The following GRM7 variants were observed in gnomAD, a reference collection of about 807,000 sequenced individuals.
GRM7 encodes the protein glutamate metabotropic receptor 7, also known as metabotropic glutamate receptor 7.
In GRM7, 35 loss-of-function variants were observed where a neutral mutation model predicts 84.5. The observed-to-expected ratio is 0.41, with a 90% CI of 0.32 to 0.55. The LOEUF is 0.55. Among genes scored for constraint, GRM7 ranks in the 20% least tolerant of loss-of-function variants. The pLI is 0.19. For missense variants in GRM7, 1,003 were observed against 1,194.6 expected (o/e 0.84, Z 2.36); for synonymous variants, 487 against 455.1 (o/e 1.07, Z -0.89).
At chr3:7,590,087 T>G (rs1342744623) in intron 8 of GRM7, among the ~76,000 whole-genome samples, 1 of 152,200 alleles carries the variant, frequency 6.6e-6, no homozygotes, top group Non-Finnish European at 1.5e-5. Context: ...AGATCAAGTT[T>G]TAAAATAATT....
At position 7,472,932 on chromosome 3, in the gene GRM7, G is replaced by A. The variant is rs116092928; in HGVS notation, c.1515+11210G>A. Among the ~76,000 whole-genome samples, 835 of 152,078 alleles carry A rather than the reference G, an allele frequency of 5.5e-3. 9 individuals carry two copies. The highest frequency in any genetic ancestry group is 0.019 in the African/African-American group (799 of 41,466). ...GATCTCTTTCAATGACAAAGCATAC[G>A]TGCAGACCGTTTCCTCAAAAAGTAT... On this transcript the variant is annotated intron_variant, in intron 7 of 9. Coordinates refer to ENST00000357716, the MANE Select transcript of GRM7 (RefSeq NM_000844.4).
chr3:7,623,347 C>G (rs1697451466), intron 8 of GRM7, among the ~76,000 whole-genome samples: 1 of 152,114 alleles, frequency 6.6e-6, no homozygotes, highest in Non-Finnish European at 1.5e-5. Flanking sequence ...TCCAATGTCT[C>G]TTCATTGAAG....
At chr3:7,182,580 A>G (rs1407375646) in intron 2 of GRM7, among the ~76,000 whole-genome samples, 1 of 152,250 alleles carries the variant, frequency 6.6e-6, no homozygotes. Flanking sequence ...GTTAAACATC[A>G]GGTTCAGAAA....
At chr3:7,001,392 C>A (rs1695009676) in intron 1 of GRM7, among the ~76,000 whole-genome samples, 1 of 152,114 alleles carries the variant, frequency 6.6e-6, no homozygotes, top group Admixed American at 6.5e-5. Context: ...TCTGTTTGTG[C>A]ACGTGAATAT....
intron 2 of GRM7, among the ~76,000 whole-genome samples, chr3:7,203,004 A>T (rs991242660): frequency 4.6e-5 from 7 of 152,226 alleles, no homozygotes; most frequent in East Asian, 1.9e-4. Flanking sequence ...ATGTGTTCCA[A>T]CCAAGTCAGG....
rs547309942 is a variant in GRM7 at position 7,571,705 on chromosome 3, C to G, written c.1516-6717C>G. 2.0e-4 allele frequency among the ~76,000 whole-genome samples: 30 copies of G among 152,288 alleles called. No homozygotes were observed. In the East Asian group the frequency reaches 5.0e-3, roughly 25 times the overall value. Reference sequence around the variant, plus strand: ...TATTACCCAGTTCTGAAGTCACTTCCACATTTTCAGGTATCTTTTCAGCAG... The same window carrying G: ...TATTACCCAGTTCTGAAGTCACTTCGACATTTTCAGGTATCTTTTCAGCAG... On this transcript the variant is annotated intron_variant, in intron 7 of 9. Coordinates refer to ENST00000357716, the MANE Select transcript of GRM7 (RefSeq NM_000844.4).
Position 7,206,225 on chromosome 3 carries a change from A to G in GRM7, c.736+59557A>G, listed in dbSNP as rs116721074. On this transcript the variant is annotated intron_variant, in intron 2 of 9. Coordinates refer to ENST00000357716, the MANE Select transcript of GRM7 (RefSeq NM_000844.4). ...ATTAGAAGGCAGATAGGGAAATCAG[A>G]AGGTAATGAAATTTAAATCTGCTAA... is the stretch of plus-strand genomic sequence containing the variant. 4.1e-3 allele frequency among the ~76,000 whole-genome samples: 626 copies of G among 152,274 alleles called. 4 individuals carry two copies. Among genetic ancestry groups the G allele is most frequent in the African/African-American group, 0.014 (594 of 41,562 alleles).
At position 7,198,860 on chromosome 3, in the gene GRM7, C is replaced by T. The variant is rs149998148; in HGVS notation, c.736+52192C>T. 2.0e-5 allele frequency among the ~76,000 whole-genome samples: 3 copies of T among 152,142 alleles called. No individual in the cohort carries two copies. In the East Asian group the frequency reaches 5.8e-4, roughly 30 times the overall value. ...TACATTTAGAGTGTTACGTTTAACT[C>T]AAAAAGTTTACTCCTCAAAAGGGTG... On this transcript the variant is annotated intron_variant, in intron 2 of 9. Coordinates refer to ENST00000357716, the MANE Select transcript of GRM7 (RefSeq NM_000844.4).
chr3:7,721,716 G>A (rs1409065439), intron 9 of GRM7, among the ~76,000 whole-genome samples: 1 of 152,162 alleles, frequency 6.6e-6, no homozygotes, highest in African/African-American at 2.4e-5. Flanking sequence ...CTACAATGAG[G>A]TTCTCAAACT....
intron 1 of GRM7, among the ~76,000 whole-genome samples, chr3:6,993,890 C>T (rs1193726308): frequency 6.6e-6 from 1 of 152,170 alleles, no homozygotes; most frequent in African/African-American, 2.4e-5. Context: ...GGGATGAATT[C>T]ATTTTCAGCT....
chr3:7,105,971 A>G (rs1692621436), intron 1 of GRM7, among the ~76,000 whole-genome samples: 1 of 151,842 alleles, frequency 6.6e-6, no homozygotes, highest in Admixed American at 6.6e-5. Flanking sequence ...CTTTTTCTTC[A>G]CAATTCAAAT....
chr3:7,372,199 G>A lies in GRM7; in HGVS notation c.1034-42824G>A, dbSNP rs577376948. ...AAGAAATAACTAGGGAAGGAGGAAC[G>A]GTTTGTGGCAGAAGATGGCATTCAC... On this transcript the variant is annotated intron_variant, in intron 4 of 9. Coordinates refer to ENST00000357716, the MANE Select transcript of GRM7 (RefSeq NM_000844.4). 7.2e-5 allele frequency among the ~76,000 whole-genome samples: 11 copies of A among 152,220 alleles called. No individual in the cohort carries two copies. The East Asian group carries it at 1.2e-3, about 16-fold the overall frequency.
chr3:7,444,141 A>G (rs1697408249), intron 5 of GRM7, among the ~76,000 whole-genome samples: 1 of 152,202 alleles, frequency 6.6e-6, no homozygotes, highest in Admixed American at 6.6e-5. Context: ...TTTGTGAATA[A>G]ACAGATTCAT....
intron 4 of GRM7, among the ~76,000 whole-genome samples, chr3:7,375,364 G>A (rs1003879493): frequency 8.6e-5 from 13 of 151,890 alleles, no homozygotes; most frequent in South Asian, 4.2e-4. Flanking sequence ...GACTACAGGC[G>A]TGCGCTTCCA....
intron 1 of GRM7, chr3:6,892,983 A>T (rs1195695178): frequency 2.0e-5 from 3 of 152,128 alleles, no homozygotes; most frequent in African/African-American, 7.2e-5. Context: ...CATGACCTTG[A>T]TGATGATGAT....
chr3:6,956,275 G>A (rs1392324881), intron 1 of GRM7, among the ~76,000 whole-genome samples: 1 of 152,162 alleles, frequency 6.6e-6, no homozygotes, highest in Non-Finnish European at 1.5e-5. Flanking sequence ...GTCAACAGTC[G>A]AAAGGGGTTC....
At chr3:7,664,038 G>A (rs1575606615) in intron 8 of GRM7, among the ~76,000 whole-genome samples, 2 of 152,166 alleles carry the variant, frequency 1.3e-5, no homozygotes, top group Admixed American at 1.3e-4. Flanking sequence ...CAGGGTTACA[G>A]TGGAAGAAAC....
At chr3:7,302,647 T>G (rs1241127954) in intron 3 of GRM7, among the ~76,000 whole-genome samples, 1 of 152,160 alleles carries the variant, frequency 6.6e-6, no homozygotes, top group African/African-American at 2.4e-5. Flanking sequence ...GCTTTTATTT[T>G]GTGAAAATTA....
At chr3:7,101,454 T>A (rs1699105555) in intron 1 of GRM7, among the ~76,000 whole-genome samples, 1 of 151,718 alleles carries the variant, frequency 6.6e-6, no homozygotes, top group East Asian at 1.9e-4. Flanking sequence ...CTTTTCCCAC[T>A]TTTTTACTGT....
Sources: allele counts gnomAD v4.1 joint callset (sites outside exome capture counted in the v4.1 genomes callset), GRCh38; gene constraint gnomAD v4.1.1; transcripts MANE v1.5; gene names NCBI Gene and HGNC (gene_info 2026-07-23, HGNC 2026-07-21).